ZRANB3: variants seen among roughly 807,000 people sequenced by gnomAD.
The protein encoded by ZRANB3 is DNA annealing helicase and endonuclease ZRANB3.
In ZRANB3, 125 loss-of-function variants were observed where a neutral mutation model predicts 133.8. That is an observed-to-expected ratio of 0.93 (90% CI 0.81 to 1.08). ZRANB3 has a LOEUF of 1.08. Among genes scored for constraint, ZRANB3 ranks in the 50% least tolerant of loss-of-function variants. ZRANB3 has a pLI of 0.00. For synonymous variants in ZRANB3, 387 were observed against 432.7 expected (o/e 0.89, Z 1.31); for missense variants, 1,229 against 1,275.5 (o/e 0.96, Z 0.56).
chr2:135,353,677 A>C (rs1243329804), intron 3 of ZRANB3, 49 bp from the exon 4 acceptor site: 8 of 1,195,240 alleles, frequency 6.7e-6, no homozygotes, highest in Non-Finnish European at 8.8e-6. Flanking sequence ...AAAATATTTT[A>C]AAAGAAAATA....
At chr2:135,256,573 C>A (rs1441633497) in intron 12 of ZRANB3, among the ~76,000 whole-genome samples, 1 of 152,214 alleles carries the variant, frequency 6.6e-6, no homozygotes, top group Non-Finnish European at 1.5e-5. Flanking sequence ...GGTGACCCAC[C>A]CGCCTCAGTC....
At chr2:135,275,194 G>T (rs1233518713) in intron 9 of ZRANB3, among the ~76,000 whole-genome samples, 1 of 151,918 alleles carries the variant, frequency 6.6e-6, no homozygotes. Flanking sequence ...TTCCCAGAAG[G>T]GGCGGCCGGG....
intron 1 of ZRANB3, among the ~76,000 whole-genome samples, chr2:135,521,760 C>A (rs142441356): frequency 6.6e-6 from 1 of 152,072 alleles, no homozygotes; most frequent in Admixed American, 6.6e-5. Context: ...ATCAAAAAAG[C>A]CTTCACTTGT....
chr2:135,412,040 T>C (rs1449546158), intron 2 of ZRANB3, among the ~76,000 whole-genome samples: 1 of 152,218 alleles, frequency 6.6e-6, no homozygotes, highest in African/African-American at 2.4e-5. Flanking sequence ...GGCTTAGCAC[T>C]GTGCTTGATG....
chr2:135,257,011 GA>G (rs1679691039), intron 12 of ZRANB3, among the ~76,000 whole-genome samples: 2 of 152,188 alleles, frequency 1.3e-5, no homozygotes. Flanking sequence ...GAAACATCTG[GA>G]AGTTACCCTA....
chr2:135,318,049 T>C (rs898034175), intron 6 of ZRANB3, among the ~76,000 whole-genome samples: 1 of 152,110 alleles, frequency 6.6e-6, no homozygotes, highest in Non-Finnish European at 1.5e-5. Flanking sequence ...TTTGAAGAAT[T>C]TGCCCAACAT....
intron 8 of ZRANB3, among the ~76,000 whole-genome samples, chr2:135,292,342 G>T (rs1427079568): frequency 6.6e-6 from 1 of 152,030 alleles, no homozygotes; most frequent in Non-Finnish European, 1.5e-5. Context: ...TTCTCTGATG[G>T]CCAGTGATGA....
intron 6 of ZRANB3, among the ~76,000 whole-genome samples, chr2:135,328,869 A>G (rs1683983446): frequency 6.6e-6 from 1 of 152,014 alleles, no homozygotes; most frequent in South Asian, 2.1e-4. Flanking sequence ...TTCTTTTGAG[A>G]AGTGTCTGTT....
chr2:135,275,813 G>T, intron 8 of ZRANB3, 58 bp from the exon 9 acceptor site: 1 of 1,329,120 alleles, frequency 7.5e-7, no homozygotes, highest in South Asian at 1.9e-5. Flanking sequence ...TAAAATTTAT[G>T]TCACTTTTAA....
At chr2:135,244,127 T>A (rs1695679102) in intron 12 of ZRANB3, among the ~76,000 whole-genome samples, 2 of 149,754 alleles carry the variant, frequency 1.3e-5, no homozygotes, top group Non-Finnish European at 1.5e-5. Flanking sequence ...AAAAAAAAAT[T>A]TGCAACATTT....
chr2:135,315,411 G>C lies in ZRANB3; in HGVS notation c.797C>G (p.Pro266Arg). ...TGGAATACGCTGTCTGACTTTAGGG[G>C]GTAGCTGGGTTAAAACTTCAGTCTT... is the stretch of plus-strand genomic sequence containing the variant. ...RLKTEVLTQL[P>R]PKVRQRIPFD... Residue 266 changes from proline (P) to arginine (R), a missense_variant, in exon 7 of 21, where the codon CCC (proline) becomes CGC (arginine). Coordinates refer to ENST00000264159, the MANE Select transcript of ZRANB3 (RefSeq NM_032143.4). 1.2e-6 allele frequency: 2 copies of C among 1,605,120 alleles called. No homozygotes were observed. The highest frequency in any genetic ancestry group is 1.1e-5 in the South Asian group (1 of 88,844).
intron 8 of ZRANB3, among the ~76,000 whole-genome samples, chr2:135,303,999 T>TA (rs1402393060): frequency 1.3e-5 from 2 of 152,212 alleles, no homozygotes; most frequent in Non-Finnish European, 2.9e-5. Flanking sequence ...GGGACCTTGA[T>TA]AAAATCACTC....
intron 8 of ZRANB3, among the ~76,000 whole-genome samples, chr2:135,309,233 G>T (rs1399106840): frequency 6.6e-6 from 1 of 151,890 alleles, no homozygotes. Flanking sequence ...TGCCTGCCTC[G>T]GCTTCCCAAA....
intron 2 of ZRANB3, among the ~76,000 whole-genome samples, chr2:135,426,221 A>G (rs2104974868): frequency 6.6e-6 from 1 of 152,240 alleles, no homozygotes; most frequent in East Asian, 1.9e-4. Flanking sequence ...AAAGCCCTGG[A>G]CCAGAAGAAT....
At chr2:135,327,693 G>A (rs537351980) in intron 6 of ZRANB3, among the ~76,000 whole-genome samples, 25 of 152,156 alleles carry the variant, frequency 1.6e-4, no homozygotes, top group Middle Eastern at 3.4e-3. Flanking sequence ...TTACTTAACC[G>A]TTCCAAATAC....
At chr2:135,374,501 C>CTTT (rs548112054) in intron 3 of ZRANB3, among the ~76,000 whole-genome samples, 1 of 140,046 alleles carries the variant, frequency 7.1e-6, no homozygotes. Flanking sequence ...TAAAACATAT[C>CTTT]TTTTTTTTTT....
chr2:135,391,854 C>T (rs925683016), intron 2 of ZRANB3, among the ~76,000 whole-genome samples: 12 of 152,200 alleles, frequency 7.9e-5, no homozygotes, highest in Admixed American at 6.5e-4. Flanking sequence ...GCTGGGATTA[C>T]AGGTGTGAGC....
chr2:135,366,388 AG>A (rs1685941556), intron 3 of ZRANB3, among the ~76,000 whole-genome samples: 1 of 152,200 alleles, frequency 6.6e-6, no homozygotes, highest in South Asian at 2.1e-4. Flanking sequence ...AATAAGCAAG[AG>A]GAAAACAAAA....
chr2:135,212,742 C>T (rs1694148329), intron 17 of ZRANB3, among the ~76,000 whole-genome samples: 1 of 152,102 alleles, frequency 6.6e-6, no homozygotes, highest in African/African-American at 2.4e-5. Flanking sequence ...TGGATAGGGA[C>T]GGGAGTGGAA....
Sources: allele counts gnomAD v4.1 joint callset (sites outside exome capture counted in the v4.1 genomes callset), GRCh38; gene constraint gnomAD v4.1.1; transcripts MANE v1.5; gene names NCBI Gene and HGNC (gene_info 2026-07-23, HGNC 2026-07-21).